AACS: variants seen among roughly 807,000 people sequenced by gnomAD.
AACS encodes the protein acetoacetyl-CoA synthetase.
A neutral mutation model predicts 83.1 loss-of-function variants in AACS; 69 were observed. The observed-to-expected ratio is 0.83, with a 90% confidence interval of 0.68 to 1.01. AACS has a LOEUF of 1.01. Ranked by LOEUF, AACS falls within the 50% of genes least tolerant of loss-of-function variation. The pLI, the probability that AACS is intolerant of heterozygous loss-of-function variation, is 0.00. For synonymous variants in AACS, 333 were observed against 343.4 expected, an observed-to-expected ratio of 0.97 and a Z score of 0.33; for missense variants, 866 against 882.2, an observed-to-expected ratio of 0.98 and a Z score of 0.23.
rs374863735 is a variant in AACS at position 125,142,096 on chromosome 12, C to A, written c.1886C>A (p.Thr629Lys). ...LILETKGIPYTLNGKKVEVAV... is the reference protein window; with the variant it reads ...LILETKGIPYKLNGKKVEVAV... ...TTTTCTACCTTTCCCTCGCAGTATA[C>A]GCTCAACGGCAAGAAAGTGGAAGTT... The change falls in exon 18 of 18, where the codon ACG (threonine) becomes AAG (lysine). Residue 629 changes from threonine to lysine, a missense_variant. Transcript: ENST00000316519. 1.9e-6 allele frequency: 3 copies of A among 1,613,910 alleles called. No individual in the cohort carries two copies. The highest frequency in any genetic ancestry group is 1.3e-5 in the African/African-American group (1 of 74,864).
intron 3 of AACS, among the ~76,000 whole-genome samples, chr12:125,080,470 GTCTC>G (rs112615927): frequency 6.7e-5 from 10 of 149,170 alleles, no homozygotes; most frequent in African/African-American, 2.0e-4. Flanking sequence ...TGGGTGGGGT[GTCTC>G]TCTCTCTCTC....
chr12:125,080,916 C>T (rs1956163392), intron 3 of AACS, among the ~76,000 whole-genome samples: 1 of 152,094 alleles, frequency 6.6e-6, no homozygotes, highest in South Asian at 2.1e-4. Flanking sequence ...TGGTCTCCAT[C>T]TCCTGACCTC....
At chr12:125,133,568 C>G (rs767505152) in intron 14 of AACS, among the ~76,000 whole-genome samples, 3 of 152,244 alleles carry the variant, frequency 2.0e-5, no homozygotes, top group Non-Finnish European at 4.4e-5. Context: ...GTCACGAGCA[C>G]GTGTATTCCA....
chr12:125,102,693 G>A lies in AACS; in HGVS notation c.585G>A (p.Arg195=). 1 of 1,614,016 alleles carries A rather than the reference G, an allele frequency of 6.2e-7. No homozygotes were observed. Among genetic ancestry groups the A allele is most frequent in the African/African-American group, 1.3e-5 (1 of 75,006 alleles). The change falls in exon 6 of 18, where the codon CGG becomes CGA. Residue 195 remains arginine (R), a synonymous_variant. Transcript: ENST00000316519. ...PDFGVNGVLD[R]FSQIQPKLIF... is the part of the protein sequence containing the mutation. ...CCTGCTTTCAGGGTGTGCTGGACCG[G>A]TTTTCTCAAATTCAGCCAAAGCTCA...
At chr12:125,073,593 C>T (rs535380982) in intron 1 of AACS, among the ~76,000 whole-genome samples, 22 of 152,266 alleles carry the variant, frequency 1.4e-4, no homozygotes, top group African/African-American at 4.6e-4. Flanking sequence ...GATTTGAACC[C>T]GGGCATTTGG....
At chr12:125,075,582 GTGCCCAGCTGGAGTTT>G (rs1956002067) in intron 2 of AACS, among the ~76,000 whole-genome samples, 1 of 149,194 alleles carries the variant, frequency 6.7e-6, no homozygotes, top group Admixed American at 6.7e-5. Context: ...GTGAGCCACT[GTGCCCAGCTGGAGTTT>G]TTTTTTTTTT....
intron 3 of AACS, among the ~76,000 whole-genome samples, chr12:125,083,229 C>T (rs1956243608): frequency 6.6e-6 from 1 of 152,188 alleles, no homozygotes; most frequent in African/African-American, 2.4e-5. Context: ...TGGTGGGAGG[C>T]CTCGTTCCTC....
At chr12:125,080,893 G>A (rs958178953) in intron 3 of AACS, among the ~76,000 whole-genome samples, 8 of 151,872 alleles carry the variant, frequency 5.3e-5, no homozygotes, top group Admixed American at 1.3e-4. Flanking sequence ...GGGTTTCACC[G>A]TGTTAGCCAG....
chr12:125,074,838 A>G (rs1361337021), intron 2 of AACS, among the ~76,000 whole-genome samples: 2 of 150,822 alleles, frequency 1.3e-5, no homozygotes, highest in Non-Finnish European at 3.0e-5. Flanking sequence ...TAATTTTTGT[A>G]TTTTTAGTAG....
chr12:125,073,675 G>A (rs368441584), intron 1 of AACS, among the ~76,000 whole-genome samples: 5 of 152,254 alleles, frequency 3.3e-5, no homozygotes, highest in South Asian at 4.1e-4. Flanking sequence ...AAACATCACC[G>A]CCTCAGCTTT....
chr12:125,101,243 G>A (rs982449165), intron 5 of AACS: 3 of 152,190 alleles, frequency 2.0e-5, no homozygotes, highest in Non-Finnish European at 4.4e-5. Flanking sequence ...TAATAATCTG[G>A]ACTAACACTC....
chr12:125,141,903 G>T (rs2136148974), intron 17 of AACS, among the ~76,000 whole-genome samples, 189 bp from the exon 18 acceptor site: 1 of 152,104 alleles, frequency 6.6e-6, no homozygotes, highest in African/African-American at 2.4e-5. Flanking sequence ...CAGAGAGACA[G>T]TGGTCAGTTC....
At chr12:125,114,456 T>TC in intron 8 of AACS, 21 bp from the exon 9 acceptor site, 1 of 1,609,268 alleles carries the variant, frequency 6.2e-7, no homozygotes, top group East Asian at 2.2e-5. Flanking sequence ...GAGCACCCGC[T>TC]CCCCCGTGTC....
intron 12 of AACS, 48 bp from the exon 13 acceptor site, chr12:125,128,113 T>C: frequency 1.4e-6 from 2 of 1,430,858 alleles, no homozygotes; most frequent in Non-Finnish European, 1.9e-6. Flanking sequence ...TTAACACAAT[T>C]TGTCTTGGGC....
intron 8 of AACS, among the ~76,000 whole-genome samples, chr12:125,108,671 AT>A (rs200254406): frequency 6.7e-6 from 1 of 148,376 alleles, no homozygotes; most frequent in African/African-American, 2.4e-5. Flanking sequence ...ATTTTATTTT[AT>A]TTTATTTTTT....
chr12:125,101,538 T>C (rs1378495241), intron 5 of AACS: 1 of 152,220 alleles, frequency 6.6e-6, no homozygotes, highest in Non-Finnish European at 1.5e-5. Flanking sequence ...CACTTTGCTT[T>C]GCTGTTGTGG....
In AACS at chr12:125,136,668, C is replaced by A; in HGVS notation, c.1685C>A (p.Ser562Tyr). Residue 562 changes from serine to tyrosine, a missense_variant, in exon 17 of 18, where the codon TCC becomes TAC. Transcript: ENST00000316519. ...CCCTCTCCTGTCTCCACAGTGGAAT[C>A]CTTCGAGGAGGTGGAGGACAGCCTG... ...GSSEIYNIVE[S>Y]FEEVEDSLCV... 6.2e-7 allele frequency: 1 copy of A among 1,613,648 alleles called. No homozygotes were observed. The highest frequency in any genetic ancestry group is 8.5e-7 in the Non-Finnish European group (1 of 1,179,954).
At chr12:125,081,420 A>G (rs894845743) in intron 3 of AACS, among the ~76,000 whole-genome samples, 1 of 152,316 alleles carries the variant, frequency 6.6e-6, no homozygotes, top group Middle Eastern at 3.4e-3. Context: ...TAAGCAGCCG[A>G]TTATTGGCTC....
chr12:125,093,363 C>T (rs1956531027), intron 5 of AACS, among the ~76,000 whole-genome samples: 1 of 152,226 alleles, frequency 6.6e-6, no homozygotes, highest in South Asian at 2.1e-4. Flanking sequence ...CTCTGCATGG[C>T]TGCAGTGGCA....
Sources: gnomAD v4.1 joint callset for allele counts (sites outside exome capture counted in the v4.1 genomes callset) on GRCh38, gnomAD v4.1.1 for gene constraint, MANE v1.5 for transcripts, NCBI Gene and HGNC (gene_info 2026-07-23, HGNC 2026-07-21) for gene names.